DHDDS: variants seen among roughly 807,000 people sequenced by gnomAD.
The protein encoded by DHDDS is dehydrodolichyl diphosphate synthase complex subunit DHDDS.
Under a neutral mutation model 46.2 loss-of-function variants are expected in DHDDS, and 16 were observed. The ratio of observed to expected loss-of-function variants is 0.35; its 90% CI spans 0.23 to 0.53. The LOEUF (loss-of-function observed/expected upper bound fraction) is 0.53, where lower values mean the gene tolerates loss of function less well. DHDDS is among the 20% of genes least tolerant of loss of function. DHDDS has a pLI of 0.94. For synonymous variants in DHDDS, 151 were observed against 163.1 expected (o/e 0.93, Z 0.56); for missense variants, 340 against 423.7 (o/e 0.80, Z 1.73).
At chr1:26,440,174 T>C (rs2075204231) in intron 3 of DHDDS, among the ~76,000 whole-genome samples, 1 of 152,126 alleles carries the variant, frequency 6.6e-6, no homozygotes, top group African/African-American at 2.4e-5. Context: ...GGAAATATGG[T>C]CTGTAGTTCA....
At chr1:26,444,750 C>T (rs1268910893) in intron 4 of DHDDS, among the ~76,000 whole-genome samples, 1 of 151,940 alleles carries the variant, frequency 6.6e-6, no homozygotes, top group African/African-American at 2.4e-5. Flanking sequence ...GACCCTGTCT[C>T]AGAAAAAATA....
In DHDDS at chr1:26,469,462, A is replaced by C; in HGVS notation, c.*331A>C. 4.7e-6 allele frequency: 2 copies of C among 422,046 alleles called. No homozygotes were observed. The highest frequency in any genetic ancestry group is 8.9e-6 in the Non-Finnish European group (2 of 223,892). 26.1% of individuals were successfully genotyped at this position (422,046 alleles called of 1,614,324 possible). A position where few individuals can be genotyped will look rare whatever the true frequency, so the allele number is the denominator to read the frequency against. On this transcript the variant is annotated 3_prime_UTR_variant, in exon 9 of 9. Coordinates refer to ENST00000236342, the MANE Select transcript of DHDDS (RefSeq NM_205861.3). ...TTTCCACCAGCACATCCTTCAACAC[A>C]CAGAATTTCAGGGAAGAGTTCTCCC...
Position 26,442,856 on chromosome 1 carries a change from C to A in DHDDS, c.306C>A (p.Ser102Arg), listed in dbSNP as rs749687768. Residue 102 changes from serine to arginine, a missense_variant, in exon 4 of 9, where the codon AGC becomes AGA. Ser to Arg is a moderately radical substitution (Grantham distance 110, BLOSUM62 -1). Coordinates refer to ENST00000236342, the MANE Select transcript of DHDDS (RefSeq NM_205861.3). The part of the protein sequence containing the change: ...GLMDLARQKF[S>R]RLMEEKEKLQ... ...TGGATCTGGCCCGGCAGAAGTTCAG[C>A]CGCTTGATGGAAGAAAAGTAAGATG... The A allele has an allele frequency of 1.4e-5, 22 of 1,613,962 alleles. No individual in the cohort carries two copies. In the South Asian group the frequency reaches 2.4e-4, roughly 18 times the overall value.
intron 6 of DHDDS, among the ~76,000 whole-genome samples, chr1:26,455,447 G>C (rs2075362242): frequency 6.6e-6 from 1 of 152,060 alleles, no homozygotes; most frequent in Non-Finnish European, 1.5e-5. Context: ...TTAAAGGACT[G>C]AGAGAGATGA....
chr1:26,445,171 AG>A (rs2075256414), intron 4 of DHDDS, among the ~76,000 whole-genome samples: 1 of 152,216 alleles, frequency 6.6e-6, no homozygotes, highest in Non-Finnish European at 1.5e-5. Flanking sequence ...TATAACTCAG[AG>A]GTTGGTGTAA....
chr1:26,438,097 TG>T lies in DHDDS; in HGVS notation c.64-67del. The stretch of plus-strand genomic sequence containing the variant: ...ATCACATAGCCCAAACATATCACCT[TG>T]GGGTGTAGTGTCTTCCTTTATCCCT... On this transcript the variant is annotated intron_variant, in intron 2 of 8. Transcript: ENST00000236342. The T allele has an allele frequency of 1.0e-5, 15 of 1,498,150 alleles. No individual in the cohort carries two copies. In the South Asian group the frequency reaches 1.6e-4, roughly 16 times the overall value. 92.8% of individuals were successfully genotyped at this position (1,498,150 alleles called of 1,614,324 possible).
At chr1:26,465,774 C>T (rs1013661555) in intron 8 of DHDDS, among the ~76,000 whole-genome samples, 13 of 152,146 alleles carry the variant, frequency 8.5e-5, no homozygotes, top group African/African-American at 2.2e-4. Context: ...GTCCCCAGTA[C>T]AACTCCCCAG....
intron 6 of DHDDS, among the ~76,000 whole-genome samples, chr1:26,449,569 T>G (rs1053888264): frequency 6.6e-6 from 1 of 151,946 alleles, no homozygotes; most frequent in Non-Finnish European, 1.5e-5. Context: ...CTCAGCTAAT[T>G]CTTTTTTTGG....
chr1:26,438,081 C>T, intron 2 of DHDDS, 87 bp from the exon 3 acceptor site: 1 of 1,408,728 alleles, frequency 7.1e-7, no homozygotes, highest in Non-Finnish European at 1.0e-6. Flanking sequence ...CATCACATAG[C>T]CCAAACATAT....
intron 8 of DHDDS, chr1:26,467,358 CA>C (rs1455436126): frequency 2.1e-6 from 1 of 471,388 alleles, no homozygotes; most frequent in East Asian, 6.9e-5. Context: ...AGCTCTACGG[CA>C]ACTGTTCAAG....
Position 26,438,963 on chromosome 1 carries a change from C to T in DHDDS, c.180+679C>T, listed in dbSNP as rs554990094. Among the ~76,000 whole-genome samples, 65 of 152,306 alleles carry T rather than the reference C, an allele frequency of 4.3e-4. No individual in the cohort carries two copies. In the Middle Eastern group the frequency reaches 0.017, roughly 40 times the overall value. ...TTTGTTTATTTGTTTGAGACAGTCT[C>T]ACTCTGTTGCCCAGGCCAGAGTACA... On this transcript the variant is annotated intron_variant, in intron 3 of 8. Coordinates refer to ENST00000236342, the MANE Select transcript of DHDDS (RefSeq NM_205861.3).
At position 26,447,586 on chromosome 1, in the gene DHDDS, C is replaced by T. The variant is rs768075911; in HGVS notation, c.468C>T (p.Tyr156=). 26 of 1,614,196 alleles carry T rather than the reference C, an allele frequency of 1.6e-5. No homozygotes were observed. The highest frequency in any genetic ancestry group is 6.6e-5 in the South Asian group (6 of 91,080). The change falls in exon 6 of 9, where the codon TAC becomes TAT. Residue 156 remains tyrosine, a synonymous_variant. Coordinates refer to ENST00000236342, the MANE Select transcript of DHDDS (RefSeq NM_205861.3). The part of the protein sequence containing the change: ...NKCFLNVCFA[Y]TSRHEISNAV... ...GTTTCCTGAATGTCTGTTTTGCATA[C>T]ACATCCCGTCATGAGATCAGCAATG...
Position 26,469,031 on chromosome 1 carries a change from A to G in DHDDS, c.902A>G (p.Lys301Arg). 1 of 1,614,096 alleles carries G rather than the reference A, an allele frequency of 6.2e-7. No homozygotes were observed. Among genetic ancestry groups the G allele is most frequent in the Non-Finnish European group, 8.5e-7 (1 of 1,180,038 alleles). The change falls in exon 9 of 9, where the codon AAA (lysine) becomes AGA (arginine). Residue 301 changes from lysine (K) to arginine (R), a missense_variant. Lys to Arg is a conservative substitution (Grantham distance 26, BLOSUM62 2). Transcript: ENST00000236342. ...DAQLRRTRLH[K>R]LSARREERVQ... ...CAGCTCCGAAGGACACGCTTGCACAAACTCTCGGCCAGACGGGAAGAGCGA... is the reference window on the plus strand; with the variant it reads ...CAGCTCCGAAGGACACGCTTGCACAGACTCTCGGCCAGACGGGAAGAGCGA...
In DHDDS at chr1:26,470,909, T is replaced by G. The variant is rs960858632; in HGVS notation, c.*1778T>G. 1 of 152,580 alleles carries G rather than the reference T, an allele frequency of 6.6e-6. No homozygotes were observed. Among genetic ancestry groups the G allele is most frequent in the East Asian group, 1.9e-4 (1 of 5,184 alleles). The allele number at this position is 152,580 out of a possible 1,614,324, so 9.5% of individuals were successfully genotyped here. Reference sequence around the variant, plus strand: ...CTGCCCTATGAGCGTGGCTGTTGAGTCCTGTCTCCTGGGTCTGACTTTCCG... The same window carrying G: ...CTGCCCTATGAGCGTGGCTGTTGAGGCCTGTCTCCTGGGTCTGACTTTCCG... On this transcript the variant is annotated 3_prime_UTR_variant, in exon 9 of 9. Transcript: ENST00000236342.
At chr1:26,437,822 A>AAAGAG (rs1255240502) in intron 2 of DHDDS, among the ~76,000 whole-genome samples, 2 of 151,886 alleles carry the variant, frequency 1.3e-5, no homozygotes, top group African/African-American at 4.8e-5. Context: ...AAAGAAAAGA[A>AAAGAG]AAAAGGATAG....
At chr1:26,438,099 G>A in intron 2 of DHDDS, 69 bp from the exon 3 acceptor site, 1 of 1,508,002 alleles carries the variant, frequency 6.6e-7, no homozygotes, top group Non-Finnish European at 9.2e-7. Context: ...TATCACCTTG[G>A]GGTGTAGTGT....
intron 6 of DHDDS, among the ~76,000 whole-genome samples, chr1:26,450,564 A>C (rs1410997524): frequency 6.6e-6 from 1 of 152,224 alleles, no homozygotes; most frequent in African/African-American, 2.4e-5. Flanking sequence ...ACAGAAAAGC[A>C]GGAAGAAAAC....
At position 26,470,030 on chromosome 1, in the gene DHDDS, T is replaced by C. The variant is rs2075537652; in HGVS notation, c.*899T>C. On this transcript the variant is annotated 3_prime_UTR_variant, in exon 9 of 9. Coordinates refer to ENST00000236342, the MANE Select transcript of DHDDS (RefSeq NM_205861.3). ...TCTCAAACTCTGATTCCCACTCCAC[T>C]CTTCGAGGTTTCTCTCAGCTTTTTG... is the stretch of plus-strand genomic sequence containing the variant. The C allele has an allele frequency of 6.6e-6, 1 of 152,316 alleles. No homozygotes were observed. The highest frequency in any genetic ancestry group is 2.1e-4 in the South Asian group (1 of 4,836). 9.4% of individuals were successfully genotyped at this position (152,316 alleles called of 1,614,324 possible). A position where few individuals can be genotyped will look rare whatever the true frequency, so the allele number is the denominator to read the frequency against.
At chr1:26,454,216 G>A (rs1013839812) in intron 6 of DHDDS, among the ~76,000 whole-genome samples, 2 of 152,158 alleles carry the variant, frequency 1.3e-5, no homozygotes, top group African/African-American at 4.8e-5. Context: ...GCCTCCCAAA[G>A]TGCTGGGATT....
Sources: gnomAD v4.1 joint callset for allele counts (sites outside exome capture counted in the v4.1 genomes callset) on GRCh38, gnomAD v4.1.1 for gene constraint, MANE v1.5 for transcripts, NCBI Gene and HGNC (gene_info 2026-07-23, HGNC 2026-07-21) for gene names.